Variants in RPS6KC1 observed in about 807,000 individuals in gnomAD.
RPS6KC1 encodes the protein ribosomal protein S6 kinase C1, also known as inactive ribosomal protein S6 kinase delta-1.
A neutral mutation model predicts 103.8 loss-of-function variants in RPS6KC1; 54 were observed. That is an observed-to-expected ratio of 0.52 (90% CI 0.42 to 0.65). The LOEUF (loss-of-function observed/expected upper bound fraction) is 0.65. Among genes scored for constraint, RPS6KC1 ranks in the 30% least tolerant of loss-of-function variants. The probability of loss-of-function intolerance (pLI) is 0.00; values close to 1 mark genes in which losing one functional copy is unlikely to be tolerated. For synonymous variants in RPS6KC1, 439 were observed against 438.7 expected (o/e 1.00, Z -0.01); for missense variants, 1,151 against 1,253.8 (o/e 0.92, Z 1.24).
At chr1:213,081,485 T>C (rs1464867803) in intron 3 of RPS6KC1, among the ~76,000 whole-genome samples, 1 of 151,974 alleles carries the variant, frequency 6.6e-6, no homozygotes, top group Non-Finnish European at 1.5e-5. Flanking sequence ...CCTTGAACGT[T>C]GGGGATCAAA....
chr1:213,414,392 T>C, the RPS6KC1 span, among the ~76,000 whole-genome samples: 2 of 152,102 alleles, frequency 1.3e-5, no homozygotes, highest in Admixed American at 1.3e-4. Context: ...AATGAGAACA[T>C]ACTAGGTTGG....
the RPS6KC1 span, among the ~76,000 whole-genome samples, chr1:213,783,604 GA>G: frequency 6.6e-6 from 1 of 151,556 alleles, no homozygotes; most frequent in African/African-American, 2.4e-5. Context: ...AACATGAAAC[GA>G]AAAAGTGGCG....
At chr1:213,554,657 C>T in the RPS6KC1 span, among the ~76,000 whole-genome samples, 1 of 152,112 alleles carries the variant, frequency 6.6e-6, no homozygotes, top group African/African-American at 2.4e-5. Flanking sequence ...CTTTTTGTAC[C>T]TACTTCCTCT....
intron 8 of RPS6KC1, among the ~76,000 whole-genome samples, chr1:213,188,843 T>G (rs1011051370): frequency 1.3e-5 from 2 of 152,104 alleles, no homozygotes; most frequent in African/African-American, 4.8e-5. Context: ...GTTTTTTTTT[T>G]TTTTAAATGT....
the RPS6KC1 span, among the ~76,000 whole-genome samples, chr1:213,603,477 C>T: frequency 6.6e-6 from 1 of 152,212 alleles, no homozygotes; most frequent in Admixed American, 6.5e-5. Flanking sequence ...ATTTTTTATC[C>T]TTCCTAATTC....
intron 7 of RPS6KC1, 126 bp downstream of exon 7, chr1:213,168,099 GGTT>G (rs1215100985): frequency 1.9e-4 from 107 of 561,136 alleles, no homozygotes; most frequent in Middle Eastern, 1.4e-3. Context: ...TTTTCATAAA[GGTT>G]GTTGGTAGAA....
At chr1:213,378,515 G>A in the RPS6KC1 span, among the ~76,000 whole-genome samples, 9 of 152,268 alleles carry the variant, frequency 5.9e-5, no homozygotes, top group African/African-American at 1.9e-4. Context: ...CTGAGCAGAG[G>A]GCAGGGAAAG....
chr1:213,059,581 T>C (rs1335683398), intron 1 of RPS6KC1, among the ~76,000 whole-genome samples: 1 of 152,212 alleles, frequency 6.6e-6, no homozygotes, highest in Admixed American at 6.5e-5. Flanking sequence ...TGGTGCGATC[T>C]CAGCTCACTG....
At chr1:213,813,312 A>G in the RPS6KC1 span, among the ~76,000 whole-genome samples, 1 of 151,948 alleles carries the variant, frequency 6.6e-6, no homozygotes, top group Non-Finnish European at 1.5e-5. Context: ...TTAAAGTGCA[A>G]TTATTTTAAT....
the RPS6KC1 span, among the ~76,000 whole-genome samples, chr1:213,325,408 T>A: frequency 6.6e-6 from 1 of 152,192 alleles, no homozygotes; most frequent in African/African-American, 2.4e-5. Flanking sequence ...AACAAATACC[T>A]TTCCCTTTCT....
the RPS6KC1 span, among the ~76,000 whole-genome samples, chr1:213,409,897 T>C: frequency 6.6e-6 from 1 of 152,218 alleles, no homozygotes; most frequent in Non-Finnish European, 1.5e-5. Context: ...GTGCAGTGGC[T>C]CACGCCTGTA....
the RPS6KC1 span, among the ~76,000 whole-genome samples, chr1:213,812,687 C>A: frequency 2.6e-5 from 4 of 151,998 alleles, no homozygotes; most frequent in East Asian, 5.8e-4. Flanking sequence ...AAATATGAAC[C>A]AATTCGTGTA....
chr1:213,097,399 AC>A (rs1558309970), intron 3 of RPS6KC1, among the ~76,000 whole-genome samples: 1 of 152,216 alleles, frequency 6.6e-6, no homozygotes, highest in African/African-American at 2.4e-5. Flanking sequence ...ATAGATCTCA[AC>A]AGTGGTCTTA....
the RPS6KC1 span, among the ~76,000 whole-genome samples, chr1:213,654,071 C>T: frequency 6.6e-6 from 1 of 152,224 alleles, no homozygotes; most frequent in Non-Finnish European, 1.5e-5. Context: ...GAACCAACGC[C>T]AGATGGCAGA....
At chr1:213,422,265 C>T in the RPS6KC1 span, among the ~76,000 whole-genome samples, 1 of 152,228 alleles carries the variant, frequency 6.6e-6, no homozygotes, top group East Asian at 1.9e-4. Context: ...CCTTATGTGA[C>T]TAGCTTATTT....
the RPS6KC1 span, among the ~76,000 whole-genome samples, chr1:213,389,530 G>T: frequency 2.0e-5 from 3 of 152,216 alleles, no homozygotes; most frequent in African/African-American, 7.2e-5. Context: ...GGACATGGCT[G>T]TCTCGCGTCT....
At chr1:213,737,423 G>C in the RPS6KC1 span, among the ~76,000 whole-genome samples, 1 of 152,202 alleles carries the variant, frequency 6.6e-6, no homozygotes, top group Non-Finnish European at 1.5e-5. Flanking sequence ...TCAAAATGGT[G>C]ATTTCAGCAA....
intron 8 of RPS6KC1, among the ~76,000 whole-genome samples, chr1:213,189,959 T>A (rs916539417): frequency 6.6e-6 from 1 of 152,218 alleles, no homozygotes; most frequent in Non-Finnish European, 1.5e-5. Context: ...TCAGCTTCTA[T>A]CCATGTTGTT....
At chr1:213,406,173 G>A in the RPS6KC1 span, among the ~76,000 whole-genome samples, 2 of 152,218 alleles carry the variant, frequency 1.3e-5, no homozygotes, top group Non-Finnish European at 2.9e-5. Flanking sequence ...CCACTGTGGG[G>A]TCGGAGTGTA....
Sources: gnomAD v4.1 joint callset for allele counts (sites outside exome capture counted in the v4.1 genomes callset) on GRCh38, gnomAD v4.1.1 for gene constraint, MANE v1.5 for transcripts, NCBI Gene and HGNC (gene_info 2026-07-23, HGNC 2026-07-21) for gene names.